SOX6: variants seen among roughly 807,000 people sequenced by gnomAD.
SOX6 encodes the protein transcription factor SOX-6.
SOX6 carries 11 observed loss-of-function variants against 97.8 expected under a neutral mutation model. The ratio of observed to expected loss-of-function variants is 0.11; its 90% CI spans 0.07 to 0.19. The LOEUF (loss-of-function observed/expected upper bound fraction) is 0.19, where lower values mean the gene tolerates loss of function less well. Ranked by LOEUF, SOX6 falls within the 10% of genes least tolerant of loss-of-function variation. SOX6 has a pLI of 1.00. For missense variants in SOX6, 810 were observed against 1,039.5 expected (o/e 0.78, Z 3.04); for synonymous variants, 360 against 371.4 (o/e 0.97, Z 0.35).
intron 1 of SOX6, among the ~76,000 whole-genome samples, chr11:16,401,021 G>A (rs1209371991): frequency 6.6e-6 from 1 of 151,366 alleles, no homozygotes; most frequent in Non-Finnish European, 1.5e-5. Context: ...CAAATTTGCA[G>A]TCTTACAATA....
chr11:16,408,951 G>A (rs1205832862), intron 1 of SOX6: 1 of 152,164 alleles, frequency 6.6e-6, no homozygotes. Flanking sequence ...TGTGGGACCT[G>A]AAGGAGAAGT....
chr11:16,423,348 T>C (rs1859057961), intron 1 of SOX6, among the ~76,000 whole-genome samples: 1 of 152,124 alleles, frequency 6.6e-6, no homozygotes, highest in Admixed American at 6.6e-5. Context: ...TATAAAAAAA[T>C]TGTACCGCCA....
intron 1 of SOX6, among the ~76,000 whole-genome samples, chr11:16,354,448 A>G (rs297341): frequency 0.99 from 150,757 of 152,056 alleles, 74,744 homozygotes; most frequent in East Asian, 1. Context: ...AACTAATGAC[A>G]AGAACCATGC....
intron 1 of SOX6, among the ~76,000 whole-genome samples, chr11:16,738,053 T>A (rs1590070477): frequency 6.6e-6 from 1 of 151,758 alleles, no homozygotes; most frequent in South Asian, 2.1e-4. Context: ...TTAACAGATT[T>A]CCCTCAGCTA....
At chr11:16,444,840 G>A (rs1312943266) in intron 1 of SOX6, among the ~76,000 whole-genome samples, 3 of 152,194 alleles carry the variant, frequency 2.0e-5, no homozygotes, top group Non-Finnish European at 4.4e-5. Context: ...TAAGAGTGAC[G>A]AAGAGTGAGG....
intron 4 of SOX6, among the ~76,000 whole-genome samples, chr11:16,568,603 T>C (rs1389345773): frequency 6.6e-6 from 1 of 152,170 alleles, no homozygotes; most frequent in Non-Finnish European, 1.5e-5. Context: ...TTTACCTCAA[T>C]AATTTTAAAA....
intron 4 of SOX6, among the ~76,000 whole-genome samples, chr11:16,541,303 C>A (rs1166042338): frequency 6.6e-6 from 1 of 152,148 alleles, no homozygotes; most frequent in African/African-American, 2.4e-5. Flanking sequence ...CTTCCTTACA[C>A]CTTATACAAA....
chr11:16,441,131 C>T (rs1859496295), intron 1 of SOX6, among the ~76,000 whole-genome samples: 1 of 152,124 alleles, frequency 6.6e-6, no homozygotes, highest in Non-Finnish European at 1.5e-5. Flanking sequence ...TCTCTTCCTG[C>T]TTAAGAATCT....
intron 1 of SOX6, among the ~76,000 whole-genome samples, chr11:16,419,488 T>C (rs2058970606): frequency 6.6e-6 from 1 of 151,978 alleles, no homozygotes; most frequent in Admixed American, 6.6e-5. Flanking sequence ...CCAAAAGAGA[T>C]ACAGTTCAAG....
chr11:16,060,957 C>T (rs562093364), intron 9 of SOX6, among the ~76,000 whole-genome samples: 98 of 151,720 alleles, frequency 6.5e-4, no homozygotes, highest in African/African-American at 2.3e-3. Flanking sequence ...AACAGATACC[C>T]AATCAATAGT....
At chr11:16,167,394 C>T (rs77231437) in intron 6 of SOX6, among the ~76,000 whole-genome samples, 10,322 of 152,148 alleles carry the variant, frequency 0.068, 476 homozygotes, top group East Asian at 0.11. Flanking sequence ...TCATGGTCTC[C>T]CTCCTTCTAC....
At chr11:16,518,945 G>T (rs1479579306) in intron 4 of SOX6, among the ~76,000 whole-genome samples, 1 of 152,056 alleles carries the variant, frequency 6.6e-6, no homozygotes, top group African/African-American at 2.4e-5. Context: ...TCAAAAGCTG[G>T]AAAGAAGAGT....
chr11:16,380,110 GT>G lies in SOX6; in HGVS notation c.-4-38859del, dbSNP rs555155280. On this transcript the variant is annotated intron_variant, in intron 1 of 15. Coordinates refer to the SOX6 transcript ENST00000396356. ...ATATACCTTAATATAAAGTGAAAAG[GT>G]TTTTTTCTTTATTTTTATATGTATT... Among the ~76,000 whole-genome samples the G allele has an allele frequency of 8.1e-4, 122 of 151,342 alleles. 1 individual carries two copies. Among genetic ancestry groups the G allele is most frequent in the African/African-American group, 2.4e-3 (98 of 41,296 alleles).
intron 7 of SOX6, among the ~76,000 whole-genome samples, chr11:16,110,707 T>C (rs1056564215): frequency 6.6e-6 from 1 of 152,190 alleles, no homozygotes. Flanking sequence ...GGAAGTTCTC[T>C]ATCAAATACA....
chr11:16,214,260 T>C (rs1050596372), intron 4 of SOX6, among the ~76,000 whole-genome samples: 1 of 152,176 alleles, frequency 6.6e-6, no homozygotes, highest in African/African-American at 2.4e-5. Flanking sequence ...AACATTAGTC[T>C]ATAACTATAC....
intron 4 of SOX6, among the ~76,000 whole-genome samples, chr11:16,571,176 A>C (rs1196098071): frequency 6.6e-6 from 1 of 152,210 alleles, no homozygotes; most frequent in African/African-American, 2.4e-5. Context: ...AACAAAACAA[A>C]AATTTTCAAA....
In SOX6 at chr11:16,111,788, T is replaced by A. The variant is rs1408834282; in HGVS notation, c.898+15A>T. The A allele has an allele frequency of 1.2e-6, 2 of 1,612,922 alleles. No homozygotes were observed. The highest frequency in any genetic ancestry group is 2.2e-5 in the East Asian group (1 of 44,862). The stretch of plus-strand genomic sequence containing the variant: ...TGAGCATTTGGAAAAGAATGTTAAA[T>A]CCCTCTCTACTTACCTGGTTTGTAT... On this transcript the variant is annotated intron_variant, in intron 7 of 15. Transcript: ENST00000683767.
intron 9 of SOX6, among the ~76,000 whole-genome samples, chr11:16,088,558 A>C (rs1848621857): frequency 6.6e-6 from 1 of 152,146 alleles, no homozygotes; most frequent in Non-Finnish European, 1.5e-5. Context: ...ATCATGTAGT[A>C]TGCTGCCTTT....
At chr11:16,445,863 C>T (rs993900062) in intron 1 of SOX6, among the ~76,000 whole-genome samples, 1 of 152,002 alleles carries the variant, frequency 6.6e-6, no homozygotes, top group Admixed American at 6.6e-5. Context: ...TGGATTAATG[C>T]CAAATTTTAG....
Sources: gnomAD v4.1 joint callset for allele counts (sites outside exome capture counted in the v4.1 genomes callset) on GRCh38, gnomAD v4.1.1 for gene constraint, MANE v1.5 for transcripts, NCBI Gene and HGNC (gene_info 2026-07-23, HGNC 2026-07-21) for gene names.